The following CHN2 variants were observed in gnomAD, a reference collection of about 807,000 sequenced individuals.
CHN2 encodes chimerin 2, also known as beta-chimaerin.
A neutral mutation model predicts 56.3 loss-of-function variants in CHN2; 35 were observed. The observed-to-expected ratio is 0.62, with a 90% CI of 0.47 to 0.82. CHN2 has a LOEUF of 0.82. Among genes scored for constraint, CHN2 ranks in the 40% least tolerant of loss-of-function variants. CHN2 has a pLI of 0.00. For missense variants in CHN2, 491 were observed against 580.5 expected, an observed-to-expected ratio of 0.85 and a Z score of 1.58; for synonymous variants, 210 against 212.8, an observed-to-expected ratio of 0.99 and a Z score of 0.12.
Position 29,400,758 on chromosome 7 carries a change from G to A in CHN2, c.506G>A (p.Arg169Lys). ...ATLLREKVSR[R>K]LSRSKNEPRK... ...CTACTCAGAGAAAAAGTATCCAGAA[G>A]GCTGAGCAGGTCTAAAAATGAACCA... Residue 169 changes from arginine (R) to lysine (K), a missense_variant, in exon 6 of 13, where the codon AGG becomes AAG. Arg to Lys is a conservative substitution (Grantham distance 26). Transcript: ENST00000222792. 6.2e-7 allele frequency: 1 copy of A among 1,612,978 alleles called. No individual in the cohort carries two copies. The highest frequency in any genetic ancestry group is 8.5e-7 in the Non-Finnish European group (1 of 1,179,702).
At chr7:29,468,139 C>G (rs1489828898) in intron 6 of CHN2, among the ~76,000 whole-genome samples, 1 of 30,660 alleles carries the variant, frequency 3.3e-5, no homozygotes, top group Non-Finnish European at 8.0e-5. Flanking sequence ...CAAACGGACC[C>G]GCCCCCCCCC....
intron 6 of CHN2, among the ~76,000 whole-genome samples, chr7:29,422,513 A>G (rs116280401): frequency 0.028 from 4,192 of 152,352 alleles, 200 homozygotes; most frequent in African/African-American, 0.092. Flanking sequence ...CTCTCTGAGC[A>G]AAGTAGCCAT....
intron 1 of CHN2, chr7:29,213,260 C>G (rs542055465): frequency 1.1e-6 from 1 of 924,234 alleles, no homozygotes; most frequent in Admixed American, 1.7e-5. Flanking sequence ...TGGGTAGTGG[C>G]TGAATCCTTC....
intron 1 of CHN2, chr7:29,212,356 G>A: frequency 3.2e-6 from 5 of 1,543,528 alleles, no homozygotes; most frequent in Non-Finnish European, 3.6e-6. Context: ...GCATCCGACT[G>A]TAAAGAATCT....
intron 6 of CHN2, among the ~76,000 whole-genome samples, chr7:29,418,574 G>A (rs1804010818): frequency 6.6e-6 from 1 of 152,224 alleles, no homozygotes; most frequent in Admixed American, 6.5e-5. Context: ...CTGGAAGCAT[G>A]GCTTATCTGA....
At chr7:29,360,617 C>G (rs1400292210) in intron 2 of CHN2, among the ~76,000 whole-genome samples, 1 of 152,220 alleles carries the variant, frequency 6.6e-6, no homozygotes, top group East Asian at 1.9e-4. Flanking sequence ...CCTAAAGCAC[C>G]TACAATTCCC....
intron 1 of CHN2, among the ~76,000 whole-genome samples, chr7:29,307,820 G>A (rs1242086798): frequency 6.6e-6 from 1 of 152,118 alleles, no homozygotes; most frequent in Non-Finnish European, 1.5e-5. Context: ...GTGGAATGTG[G>A]CCCAGGTGAT....
At chr7:29,404,128 A>G (rs563970469) in intron 6 of CHN2, among the ~76,000 whole-genome samples, 65 of 152,182 alleles carry the variant, frequency 4.3e-4, no homozygotes, top group African/African-American at 1.5e-3. Flanking sequence ...TTCTGTGCTC[A>G]CTGCCCTTAG....
intron 6 of CHN2, among the ~76,000 whole-genome samples, chr7:29,421,170 T>A (rs185562685): frequency 1.3e-5 from 2 of 152,292 alleles, no homozygotes; most frequent in East Asian, 1.9e-4. Flanking sequence ...ACACCTTTCT[T>A]GTACTTTCAA....
At chr7:29,460,744 AT>A (rs1785105252) in intron 6 of CHN2, among the ~76,000 whole-genome samples, 1 of 152,164 alleles carries the variant, frequency 6.6e-6, no homozygotes, top group Admixed American at 6.5e-5. Flanking sequence ...AGGGAAGCAA[AT>A]GGCTGCTAGT....
intron 7 of CHN2, among the ~76,000 whole-genome samples, chr7:29,486,326 G>T (rs928334726): frequency 1.3e-5 from 2 of 152,196 alleles, no homozygotes; most frequent in Non-Finnish European, 2.9e-5. Flanking sequence ...TCCCTGCCCT[G>T]CAGTTTGCCC....
chr7:29,488,828 C>T (rs1788337092), intron 7 of CHN2, among the ~76,000 whole-genome samples: 1 of 152,124 alleles, frequency 6.6e-6, no homozygotes, highest in Admixed American at 6.5e-5. Flanking sequence ...GGCAGACCCC[C>T]ACAACAAAGA....
chr7:29,239,061 A>T (rs1449645745), intron 1 of CHN2, among the ~76,000 whole-genome samples: 1 of 152,128 alleles, frequency 6.6e-6, no homozygotes, highest in Non-Finnish European at 1.5e-5. Context: ...TTTTCATATG[A>T]TCGGTCTGGC....
intron 1 of CHN2, among the ~76,000 whole-genome samples, chr7:29,319,357 TGAG>T (rs1795178845): frequency 2.6e-5 from 4 of 152,096 alleles, no homozygotes; most frequent in Admixed American, 2.6e-4. Context: ...TTCTACATGT[TGAG>T]GGGAGGAGGA....
chr7:29,231,693 C>A (rs1218768471), intron 1 of CHN2, among the ~76,000 whole-genome samples: 1 of 152,144 alleles, frequency 6.6e-6, no homozygotes, highest in East Asian at 1.9e-4. Flanking sequence ...CTTTTGGGAC[C>A]AAATTATAGC....
At chr7:29,386,268 A>G (rs892044975) in intron 3 of CHN2, among the ~76,000 whole-genome samples, 4 of 152,140 alleles carry the variant, frequency 2.6e-5, no homozygotes, top group African/African-American at 9.7e-5. Context: ...TTTCTAATTA[A>G]AAAGGAATTA....
intron 3 of CHN2, among the ~76,000 whole-genome samples, chr7:29,372,332 G>A (rs1335012882): frequency 1.3e-5 from 2 of 152,202 alleles, no homozygotes; most frequent in East Asian, 1.9e-4. Context: ...CAAATTTCAC[G>A]TAATAAGAGG....
chr7:29,440,509 G>C (rs1016053448), intron 6 of CHN2, among the ~76,000 whole-genome samples: 1 of 151,738 alleles, frequency 6.6e-6, no homozygotes, highest in African/African-American at 2.4e-5. Flanking sequence ...TGACCAACAT[G>C]GCGAAACCCC....
intron 1 of CHN2, among the ~76,000 whole-genome samples, chr7:29,202,200 G>A (rs1784211723): frequency 1.3e-5 from 2 of 152,266 alleles, no homozygotes; most frequent in Admixed American, 1.3e-4. Context: ...GTGGACTGAG[G>A]TTGCTAGTGG....
Sources: allele counts gnomAD v4.1 joint callset (sites outside exome capture counted in the v4.1 genomes callset), GRCh38; gene constraint gnomAD v4.1.1; transcripts MANE v1.5; gene names NCBI Gene and HGNC (gene_info 2026-07-23, HGNC 2026-07-21).